The following STT3B variants were observed in gnomAD, a reference collection of about 807,000 sequenced individuals.
STT3B encodes the protein STT3 oligosaccharyltransferase complex catalytic subunit B.
In STT3B, 29 loss-of-function variants were observed where a neutral mutation model predicts 96.8. That is an observed-to-expected ratio of 0.30 (90% CI 0.22 to 0.41). The LOEUF (loss-of-function observed/expected upper bound fraction) is 0.41. Among genes scored for constraint, STT3B ranks in the 10% least tolerant of loss-of-function variants. The pLI, the probability that STT3B is intolerant of heterozygous loss-of-function variation, is 1.00. For synonymous variants in STT3B, 367 were observed against 360.0 expected (o/e 1.02, Z -0.22); for missense variants, 640 against 1,022.3 (o/e 0.63, Z 5.10).
intron 1 of STT3B, among the ~76,000 whole-genome samples, chr3:31,573,172 A>C (rs1698197320): frequency 6.6e-6 from 1 of 152,136 alleles, no homozygotes; most frequent in Admixed American, 6.5e-5. Flanking sequence ...ATACGGTGTG[A>C]GATGAGACTA....
chr3:31,566,129 G>A (rs998220353), intron 1 of STT3B, among the ~76,000 whole-genome samples: 1 of 152,164 alleles, frequency 6.6e-6, no homozygotes, highest in African/African-American at 2.4e-5. Context: ...AAAACTGTGT[G>A]TCCATTCTGG....
chr3:31,606,103 T>C (rs1408286447), intron 5 of STT3B, among the ~76,000 whole-genome samples: 2 of 152,190 alleles, frequency 1.3e-5, no homozygotes, highest in East Asian at 3.9e-4. Context: ...GGAAGAAATT[T>C]TTAAGCAGCA....
chr3:31,561,740 A>G (rs575963082), intron 1 of STT3B, among the ~76,000 whole-genome samples: 32 of 152,216 alleles, frequency 2.1e-4, no homozygotes, highest in African/African-American at 7.2e-4. Context: ...TTACTTTGGT[A>G]TCTGCACATC....
At chr3:31,545,630 CTTAGTTT>C in intron 1 of STT3B, among the ~76,000 whole-genome samples, 2 of 94,572 alleles carry the variant, frequency 2.1e-5, no homozygotes, top group Non-Finnish European at 6.1e-5. Flanking sequence ...AGCCTGTCCC[CTTAGTTT>C]CCCCCTTAGC....
At chr3:31,633,211 T>C in intron 15 of STT3B, 64 bp downstream of exon 15, 1 of 1,413,438 alleles carries the variant, frequency 7.1e-7, no homozygotes, top group Non-Finnish European at 9.6e-7. Context: ...GAAAAAGAAT[T>C]TCTGGAAATT....
rs961917946 is a variant in STT3B, at chr3:31,540,169, C to T, written c.314+6857C>T. On this transcript the variant is annotated intron_variant, in intron 1 of 15. Coordinates refer to ENST00000295770, the MANE Select transcript of STT3B (RefSeq NM_178862.3). The stretch of plus-strand genomic sequence containing the variant: ...ACCACTTAGTTTAAATTTACAATAT[C>T]GTAAATGTTGACAATTCAGGCTTAG... 1.2e-3 allele frequency among the ~76,000 whole-genome samples: 177 copies of T among 152,114 alleles called. 1 individual carries two copies. Among genetic ancestry groups the T allele is most frequent in the African/African-American group, 4.1e-3 (172 of 41,510 alleles).
At chr3:31,552,443 A>G (rs1697584738) in intron 1 of STT3B, among the ~76,000 whole-genome samples, 1 of 152,220 alleles carries the variant, frequency 6.6e-6, no homozygotes, top group Non-Finnish European at 1.5e-5. Flanking sequence ...TAGGGAGATA[A>G]ACTAAACACA....
chr3:31,617,193 T>G (rs532126578), intron 7 of STT3B, 118 bp downstream of exon 7: 296 of 811,572 alleles, frequency 3.6e-4, no homozygotes, highest in Non-Finnish European at 4.6e-4. Flanking sequence ...TTTCTTTTTT[T>G]TTTTTTTTGA....
chr3:31,570,288 A>G (rs1191665879), intron 1 of STT3B, among the ~76,000 whole-genome samples: 21 of 152,202 alleles, frequency 1.4e-4, no homozygotes, highest in Admixed American at 1.4e-3. Flanking sequence ...ACTGCCAGAA[A>G]CTATGAGATA....
At chr3:31,635,156 C>G (rs918165279) in intron 15 of STT3B, among the ~76,000 whole-genome samples, 4 of 152,166 alleles carry the variant, frequency 2.6e-5, no homozygotes, top group African/African-American at 9.6e-5. Context: ...TCTTCTGCCT[C>G]TGTTAACCCA....
intron 5 of STT3B, among the ~76,000 whole-genome samples, chr3:31,600,980 A>G (rs2125463778): frequency 6.6e-6 from 1 of 152,292 alleles, no homozygotes; most frequent in East Asian, 1.9e-4. Context: ...TTTCCATGAT[A>G]GAGTTAGAAC....
intron 5 of STT3B, among the ~76,000 whole-genome samples, chr3:31,612,863 T>G (rs1484165307): frequency 6.6e-6 from 1 of 152,220 alleles, no homozygotes; most frequent in Non-Finnish European, 1.5e-5. Context: ...AATATGACTA[T>G]GAATATGTAT....
In STT3B at chr3:31,619,840, G is replaced by T; in HGVS notation, c.1327+10G>T. ...GATGAAAGAGTATTTGGTAAGAGAG[G>T]TTTTTAATGAATACTTTGATATGGA... On this transcript the variant is annotated intron_variant, in intron 9 of 15. Coordinates refer to ENST00000295770, the MANE Select transcript of STT3B (RefSeq NM_178862.3). 1 of 1,599,876 alleles carries T rather than the reference G, an allele frequency of 6.3e-7. No individual in the cohort carries two copies. The highest frequency in any genetic ancestry group is 8.5e-7 in the Non-Finnish European group (1 of 1,176,116).
intron 1 of STT3B, among the ~76,000 whole-genome samples, chr3:31,552,974 T>C (rs1245297127): frequency 4.6e-5 from 7 of 151,634 alleles, no homozygotes; most frequent in South Asian, 4.2e-4. Flanking sequence ...TGGTGGCGCG[T>C]GCCTGTAGTC....
Position 31,635,988 on chromosome 3 carries a change from C to G in STT3B, c.2405C>G (p.Thr802Ser). The G allele has an allele frequency of 6.2e-7, 1 of 1,601,854 alleles. No homozygotes were observed. Among genetic ancestry groups the G allele is most frequent in the Non-Finnish European group, 8.5e-7 (1 of 1,174,866 alleles). The change falls in exon 16 of 16, where the codon ACC becomes AGC. Residue 802 changes from threonine (T) to serine (S), a missense_variant. Thr to Ser is a moderately conservative substitution (Grantham distance 58, BLOSUM62 1). Transcript: ENST00000295770. ...PKQKYLSKKT[T>S]KRKRGYIKNK... ...ATGTGTTTTGTTTTTTTATAGACTA[C>G]CAAAAGGAAGCGTGGCTACATTAAA...
chr3:31,565,477 A>G (rs1374532779), intron 1 of STT3B, among the ~76,000 whole-genome samples: 1 of 152,242 alleles, frequency 6.6e-6, no homozygotes, highest in Non-Finnish European at 1.5e-5. Flanking sequence ...ACTTACTCAT[A>G]ACCTTGTAAG....
intron 7 of STT3B, 38 bp from the exon 8 acceptor site, chr3:31,617,902 A>G: frequency 7.0e-7 from 1 of 1,431,900 alleles, no homozygotes; most frequent in Non-Finnish European, 9.8e-7. Flanking sequence ...AAAATAATAA[A>G]AAGGCAGATT....
chr3:31,608,573 G>A (rs898186105), intron 5 of STT3B, among the ~76,000 whole-genome samples: 2 of 152,190 alleles, frequency 1.3e-5, no homozygotes, highest in Non-Finnish European at 2.9e-5. Flanking sequence ...CACCTGTGTT[G>A]TAGCAATAAT....
intron 3 of STT3B, among the ~76,000 whole-genome samples, chr3:31,588,058 T>A (rs1698585108): frequency 6.6e-6 from 1 of 152,118 alleles, no homozygotes. Context: ...CATCTAGAAT[T>A]TTTCCCTTAT....
Sources: allele counts gnomAD v4.1 joint callset (sites outside exome capture counted in the v4.1 genomes callset), GRCh38; gene constraint gnomAD v4.1.1; transcripts MANE v1.5; gene names NCBI Gene and HGNC (gene_info 2026-07-23, HGNC 2026-07-21).